Variants in GRIA4 observed in about 807,000 individuals in gnomAD.
GRIA4 encodes the protein glutamate ionotropic receptor AMPA type subunit 4.
A neutral mutation model predicts 104.0 loss-of-function variants in GRIA4; 34 were observed. The observed-to-expected ratio is 0.33, with a 90% CI of 0.25 to 0.44. The LOEUF is 0.44. GRIA4 is among the 20% of genes least tolerant of loss of function. The pLI, the probability that GRIA4 is intolerant of heterozygous loss-of-function variation, is 1.00. For missense variants in GRIA4, 750 were observed against 1,096.5 expected (o/e 0.68, Z 4.46); for synonymous variants, 386 against 381.9 (o/e 1.01, Z -0.13).
intron 4 of GRIA4, among the ~76,000 whole-genome samples, chr11:105,785,708 A>G (rs977986718): frequency 3.9e-5 from 6 of 152,286 alleles, no homozygotes; most frequent in Admixed American, 2.6e-4. Context: ...GACATTTCTA[A>G]ACTGATATTA....
chr11:105,614,388 T>C (rs1950549322), intron 3 of GRIA4: 1 of 151,890 alleles, frequency 6.6e-6, no homozygotes, highest in East Asian at 1.9e-4. Flanking sequence ...AGTATTATTT[T>C]ATTTATGTAA....
At chr11:105,905,877 T>C (rs1036904947) in intron 9 of GRIA4, among the ~76,000 whole-genome samples, 8 of 152,164 alleles carry the variant, frequency 5.3e-5, no homozygotes, top group African/African-American at 1.9e-4. Context: ...AATTATCTAG[T>C]GGTAAGATGT....
intron 10 of GRIA4, among the ~76,000 whole-genome samples, chr11:105,917,972 G>T (rs1304236854): frequency 6.6e-6 from 1 of 151,824 alleles, no homozygotes; most frequent in Non-Finnish European, 1.5e-5. Flanking sequence ...CTAAATGGGA[G>T]TATCACCTCA....
At chr11:105,794,473 G>GTGTATATATATA (rs1555010324) in intron 4 of GRIA4, among the ~76,000 whole-genome samples, 7 of 43,886 alleles carry the variant, frequency 1.6e-4, no homozygotes, top group South Asian at 8.0e-4. Context: ...GTATATGTAT[G>GTGTATATATATA]TATATATATA....
At chr11:105,806,535 C>A (rs895738055) in intron 4 of GRIA4, among the ~76,000 whole-genome samples, 1 of 151,886 alleles carries the variant, frequency 6.6e-6, no homozygotes, top group Admixed American at 6.6e-5. Context: ...ACCTCTCATC[C>A]TGTACAAATC....
intron 4 of GRIA4, among the ~76,000 whole-genome samples, chr11:105,819,724 T>A (rs934947750): frequency 6.6e-6 from 1 of 152,098 alleles, no homozygotes; most frequent in African/African-American, 2.4e-5. Flanking sequence ...TTTAAATCTC[T>A]CAGCAACACA....
intron 4 of GRIA4, among the ~76,000 whole-genome samples, chr11:105,774,796 C>T (rs949034254): frequency 1.1e-4 from 16 of 152,104 alleles, no homozygotes; most frequent in Non-Finnish European, 4.4e-5. Context: ...AGTGCTTAAT[C>T]ATTTGGTTAT....
intron 4 of GRIA4, among the ~76,000 whole-genome samples, chr11:105,847,604 G>T (rs1944646574): frequency 6.6e-6 from 1 of 152,148 alleles, no homozygotes; most frequent in Admixed American, 6.5e-5. Context: ...GCCAGATGGT[G>T]AAGTGGCAGG....
At chr11:105,668,937 C>G (rs1050314667) in intron 3 of GRIA4, among the ~76,000 whole-genome samples, 1 of 151,904 alleles carries the variant, frequency 6.6e-6, no homozygotes, top group Non-Finnish European at 1.5e-5. Context: ...ATGTATCTGT[C>G]TCTAACCTTC....
In GRIA4 at chr11:105,903,964, G is replaced by C. The variant is rs552900409; in HGVS notation, c.1036G>C (p.Glu346Gln). 8.1e-6 allele frequency: 13 copies of C among 1,607,994 alleles called. No individual in the cohort carries two copies. The highest frequency in any genetic ancestry group is 1.3e-5 in the African/African-American group (1 of 74,636). Residue 346 changes from glutamate to glutamine, a missense_variant, in exon 8 of 17, where the codon GAG becomes CAG. This residue lies in a region of GRIA4 where 410 missense variants were observed against 502.7 expected (regional missense o/e 0.82). Coordinates refer to ENST00000282499, the MANE Select transcript of GRIA4 (RefSeq NM_000829.4). ...TCCATGGGGCCAGGGAATTGACATG[G>C]AGAGGACACTCAAACAGGTAACTCA... ...AAPWGQGIDMERTLKQVRIQG... is the reference protein window; with the variant it reads ...AAPWGQGIDMQRTLKQVRIQG...
At chr11:105,893,679 T>C (rs1054803275) in intron 6 of GRIA4, among the ~76,000 whole-genome samples, 2 of 152,218 alleles carry the variant, frequency 1.3e-5, no homozygotes, top group African/African-American at 4.8e-5. Context: ...CTCTTTATGC[T>C]GCAGCTGTGG....
chr11:105,864,803 G>C (rs931989761), intron 5 of GRIA4, among the ~76,000 whole-genome samples: 4 of 152,146 alleles, frequency 2.6e-5, no homozygotes, highest in African/African-American at 4.8e-5. Context: ...CCAGGAGGTG[G>C]AGGTTGTGGT....
chr11:105,960,889 G>A (rs918270758), intron 14 of GRIA4, among the ~76,000 whole-genome samples: 4 of 152,150 alleles, frequency 2.6e-5, no homozygotes, highest in Non-Finnish European at 2.9e-5. Flanking sequence ...TTCCCGGTGT[G>A]GGCCACCACA....
intron 5 of GRIA4, among the ~76,000 whole-genome samples, chr11:105,879,355 C>T (rs920704848): frequency 6.6e-6 from 1 of 152,048 alleles, no homozygotes; most frequent in Non-Finnish European, 1.5e-5. Context: ...CCCAGGTCCC[C>T]GGTAGTTTCA....
chr11:105,710,726 C>T (rs1384630102), intron 3 of GRIA4, among the ~76,000 whole-genome samples: 28 of 152,016 alleles, frequency 1.8e-4, no homozygotes, highest in Admixed American at 1.8e-3. Flanking sequence ...ATTATTGAAG[C>T]CTCATTTCCC....
intron 4 of GRIA4, among the ~76,000 whole-genome samples, chr11:105,778,721 C>A (rs180965543): frequency 2.6e-5 from 4 of 152,036 alleles, no homozygotes; most frequent in Non-Finnish European, 4.4e-5. Flanking sequence ...AAACAAAACA[C>A]CAACTAAGCA....
chr11:105,833,548 A>G (rs1565272399), intron 4 of GRIA4, among the ~76,000 whole-genome samples: 1 of 151,970 alleles, frequency 6.6e-6, no homozygotes, highest in East Asian at 1.9e-4. Context: ...TAAGTATTCT[A>G]CCTGAATTTA....
At chr11:105,956,089 G>A (rs1025039531) in intron 14 of GRIA4, among the ~76,000 whole-genome samples, 2 of 152,112 alleles carry the variant, frequency 1.3e-5, no homozygotes, top group Admixed American at 1.3e-4. Context: ...TCACCCTGGT[G>A]ATAGTTCTTT....
chr11:105,753,629 C>G (rs937407844), intron 4 of GRIA4, among the ~76,000 whole-genome samples: 1 of 152,056 alleles, frequency 6.6e-6, no homozygotes, highest in Non-Finnish European at 1.5e-5. Flanking sequence ...CATTATCTAC[C>G]CAGAGTTACG....
Sources: allele counts gnomAD v4.1 joint callset (sites outside exome capture counted in the v4.1 genomes callset), GRCh38; gene constraint gnomAD v4.1.1; regional missense constraint gnomAD v4.1.1; transcripts MANE v1.5; gene names NCBI Gene and HGNC (gene_info 2026-07-23, HGNC 2026-07-21).